Variants in DPP10 observed in about 807,000 individuals in gnomAD.
DPP10 encodes inactive dipeptidyl peptidase 10.
A neutral mutation model predicts 120.9 loss-of-function variants in DPP10; 33 were observed. The observed-to-expected ratio is 0.27, with a 90% CI of 0.21 to 0.37. The LOEUF (loss-of-function observed/expected upper bound fraction) is 0.37, where lower values mean the gene tolerates loss of function less well. DPP10 is among the 10% of genes least tolerant of loss of function. The pLI is 1.00. For missense variants in DPP10, 816 were observed against 942.8 expected (o/e 0.87, Z 1.76); for synonymous variants, 337 against 326.1 (o/e 1.03, Z -0.36).
intron 1 of DPP10, among the ~76,000 whole-genome samples, chr2:115,027,483 A>C (rs1266772261): frequency 6.6e-6 from 1 of 152,166 alleles, no homozygotes; most frequent in African/African-American, 2.4e-5. Context: ...TTCACCTGGC[A>C]TGAATATCAT....
chr2:114,675,284 C>T (rs959909870), intron 1 of DPP10, among the ~76,000 whole-genome samples: 44 of 151,998 alleles, frequency 2.9e-4, no homozygotes, highest in African/African-American at 9.4e-4. Context: ...GACCCACTTG[C>T]ACTTGTGTCT....
At position 115,841,735 on chromosome 2, in the gene DPP10, G is replaced by A. The variant is rs567126931; in HGVS notation, c.2257-476G>A. 1.1e-4 allele frequency among the ~76,000 whole-genome samples: 17 copies of A among 152,256 alleles called. No homozygotes were observed. The South Asian group carries it at 3.1e-3, about 28-fold the overall frequency. On this transcript the variant is annotated intron_variant, in intron 25 of 25. Transcript: ENST00000410059. ...GTAACAATTTTGTTTACATTGGAAA[G>A]GGAATTGTCAAAGTAAATAATTGCA...
At chr2:115,765,164 A>G (rs1410077854) in intron 12 of DPP10, among the ~76,000 whole-genome samples, 4 of 152,146 alleles carry the variant, frequency 2.6e-5, no homozygotes, top group Non-Finnish European at 5.9e-5. Flanking sequence ...AGCAAGGCAT[A>G]TGAGATTGTA....
At chr2:115,046,714 AGAACACAAC>A (rs1232627052) in intron 1 of DPP10, among the ~76,000 whole-genome samples, 1 of 152,160 alleles carries the variant, frequency 6.6e-6, no homozygotes, top group Non-Finnish European at 1.5e-5. Flanking sequence ...TATGGAGTGA[AGAACACAAC>A]CACATATAAT....
At chr2:115,108,782 T>C (rs1351223314) in intron 1 of DPP10, among the ~76,000 whole-genome samples, 3 of 152,236 alleles carry the variant, frequency 2.0e-5, no homozygotes, top group African/African-American at 7.2e-5. Context: ...TTGTAACTAA[T>C]GTTGGTCCAA....
At chr2:115,373,517 T>C (rs1240704468) in intron 3 of DPP10, among the ~76,000 whole-genome samples, 1 of 149,672 alleles carries the variant, frequency 6.7e-6, no homozygotes. Flanking sequence ...GAGCATATAT[T>C]ATACCAGAGG....
intron 4 of DPP10, among the ~76,000 whole-genome samples, chr2:115,512,998 A>G (rs1423041390): frequency 6.6e-6 from 1 of 152,006 alleles, no homozygotes; most frequent in African/African-American, 2.4e-5. Flanking sequence ...ACTATTTATT[A>G]TTAAATTGTT....
chr2:115,219,596 G>C (rs2057029743), intron 1 of DPP10, among the ~76,000 whole-genome samples: 1 of 152,096 alleles, frequency 6.6e-6, no homozygotes. Flanking sequence ...TCAAAATGAT[G>C]TTAATCATAT....
intron 1 of DPP10, among the ~76,000 whole-genome samples, chr2:114,986,310 G>A (rs1422367297): frequency 6.6e-6 from 1 of 152,184 alleles, no homozygotes; most frequent in Non-Finnish European, 1.5e-5. Flanking sequence ...ATTTCTAAGT[G>A]CAGGTTTCCT....
intron 1 of DPP10, among the ~76,000 whole-genome samples, chr2:115,274,015 C>T (rs897846585): frequency 2.6e-5 from 4 of 152,064 alleles, no homozygotes; most frequent in Non-Finnish European, 5.9e-5. Flanking sequence ...AGAGTGGTGT[C>T]ATATATGTCC....
intron 1 of DPP10, among the ~76,000 whole-genome samples, chr2:114,906,396 A>AC (rs1309439284): frequency 1.1e-4 from 17 of 151,978 alleles, no homozygotes; most frequent in African/African-American, 4.1e-4. Flanking sequence ...AAAAAAAAAA[A>AC]AGAAAAATTA....
chr2:115,181,147 C>T (rs945706371), intron 1 of DPP10, among the ~76,000 whole-genome samples: 1 of 152,176 alleles, frequency 6.6e-6, no homozygotes, highest in African/African-American at 2.4e-5. Flanking sequence ...AAATAATTTA[C>T]AGACAAACAG....
At chr2:115,363,962 C>G (rs2064936992) in intron 3 of DPP10, among the ~76,000 whole-genome samples, 1 of 151,664 alleles carries the variant, frequency 6.6e-6, no homozygotes. Context: ...TCGGTAACTT[C>G]CCTAGGCTCA....
At chr2:114,703,626 A>G (rs1700513225) in intron 1 of DPP10, among the ~76,000 whole-genome samples, 1 of 152,162 alleles carries the variant, frequency 6.6e-6, no homozygotes, top group Non-Finnish European at 1.5e-5. Context: ...GTTAAAGTTC[A>G]CACAAAGTTT....
intron 1 of DPP10, among the ~76,000 whole-genome samples, chr2:114,466,365 A>G (rs752667464): frequency 3.3e-5 from 5 of 152,232 alleles, no homozygotes; most frequent in Non-Finnish European, 5.9e-5. Flanking sequence ...TAGTATTTAT[A>G]TGCATATATT....
In DPP10 at chr2:115,054,015, G is replaced by A. The variant is rs556750887; in HGVS notation, c.61-255224G>A. On this transcript the variant is annotated intron_variant, in intron 1 of 25. Coordinates refer to ENST00000410059, the MANE Select transcript of DPP10 (RefSeq NM_020868.6). ...ATATTATCATTGGCAGTGCTTTGTCGAATTCTTGCCTTCAGATTTGAATAC... is the reference window on the plus strand; with the variant it reads ...ATATTATCATTGGCAGTGCTTTGTCAAATTCTTGCCTTCAGATTTGAATAC... Among the ~76,000 whole-genome samples, 45 of 152,190 alleles carry A rather than the reference G, an allele frequency of 3.0e-4. 1 individual carries two copies. In the South Asian group the frequency reaches 6.0e-3, roughly 20 times the overall value.
chr2:114,615,905 C>G (rs559895059), intron 1 of DPP10, among the ~76,000 whole-genome samples: 29 of 152,162 alleles, frequency 1.9e-4, no homozygotes, highest in African/African-American at 6.7e-4. Context: ...TACATTGGTG[C>G]TCATTATCTG....
chr2:115,115,201 CCTAA>C (rs556070082), intron 1 of DPP10, among the ~76,000 whole-genome samples: 233 of 152,154 alleles, frequency 1.5e-3, no homozygotes, highest in Non-Finnish European at 3.0e-3. Context: ...TGTCCTCCAA[CCTAA>C]CTGTGTCCAT....
chr2:114,615,177 T>C (rs780231865), intron 1 of DPP10, among the ~76,000 whole-genome samples: 24 of 152,184 alleles, frequency 1.6e-4, no homozygotes, highest in Non-Finnish European at 3.1e-4. Context: ...TTTGCTGTTT[T>C]ATTTTCTAAG....
Sources: gnomAD v4.1 joint callset for allele counts (sites outside exome capture counted in the v4.1 genomes callset) on GRCh38, gnomAD v4.1.1 for gene constraint, MANE v1.5 for transcripts, NCBI Gene and HGNC (gene_info 2026-07-23, HGNC 2026-07-21) for gene names.